Variants in GAD2 observed in about 807,000 individuals in gnomAD.
GAD2 encodes 65 kDa glutamic acid decarboxylase.
A neutral mutation model predicts 80.1 loss-of-function variants in GAD2; 22 were observed. The observed-to-expected ratio is 0.27, with a 90% CI of 0.20 to 0.39. The LOEUF (loss-of-function observed/expected upper bound fraction) is 0.39, where lower values mean the gene tolerates loss of function less well. Ranked by LOEUF, GAD2 falls within the 10% of genes least tolerant of loss-of-function variation. The pLI is 1.00. For missense variants in GAD2, 624 were observed against 738.4 expected, an observed-to-expected ratio of 0.85 and a Z score of 1.80; for synonymous variants, 274 against 256.9, an observed-to-expected ratio of 1.07 and a Z score of -0.64.
At chr10:26,275,410 G>A (rs528344084) in intron 11 of GAD2, among the ~76,000 whole-genome samples, 1 of 152,310 alleles carries the variant, frequency 6.6e-6, no homozygotes, top group South Asian at 2.1e-4. Context: ...CTGTACCAAA[G>A]ACTATTATTT....
chr10:26,245,479 C>T (rs925927435), intron 7 of GAD2, among the ~76,000 whole-genome samples: 28 of 151,416 alleles, frequency 1.8e-4, no homozygotes, highest in African/African-American at 6.8e-4. Context: ...CTCTTGTCTC[C>T]CAAGTTGGAG....
chr10:26,281,965 CAG>C (rs756903179), intron 12 of GAD2, among the ~76,000 whole-genome samples: 2 of 151,964 alleles, frequency 1.3e-5, no homozygotes, highest in African/African-American at 2.4e-5. Context: ...CTTTTTGAGA[CAG>C]AGTCTCATTC....
intron 8 of GAD2, among the ~76,000 whole-genome samples, chr10:26,259,266 G>A (rs1223788584): frequency 1.3e-5 from 2 of 152,120 alleles, no homozygotes; most frequent in African/African-American, 2.4e-5. Context: ...TTAATTTTTT[G>A]AGGAACCATC....
chr10:26,230,745 T>C (rs1446879181), intron 7 of GAD2, among the ~76,000 whole-genome samples: 1 of 149,824 alleles, frequency 6.7e-6, no homozygotes, highest in Non-Finnish European at 1.5e-5. Flanking sequence ...GCCTGAACCA[T>C]TTAACATTCA....
chr10:26,229,987 G>T (rs964244538), intron 7 of GAD2, among the ~76,000 whole-genome samples: 11 of 151,916 alleles, frequency 7.2e-5, no homozygotes, highest in Admixed American at 6.6e-5. Context: ...GAGCAGCCTG[G>T]GCAATATAGT....
At chr10:26,229,281 A>G (rs1844568567) in intron 6 of GAD2, among the ~76,000 whole-genome samples, 1 of 149,626 alleles carries the variant, frequency 6.7e-6, no homozygotes, top group Admixed American at 6.6e-5. Flanking sequence ...AATGAGTTGA[A>G]ATGAAAAAAA....
chr10:26,276,941 G>GAT lies in GAD2; in HGVS notation c.1157+3245_1157+3246dup, dbSNP rs373220885. On this transcript the variant is annotated intron_variant, in intron 11 of 15. Transcript: ENST00000376261. ...ACTGCATGGGTGCAAAGACGAGTAT[G>GAT]ATATAAAGCCTATCTTCAAGGAGTT... Among the ~76,000 whole-genome samples the GAT allele has an allele frequency of 2.6e-5, 4 of 152,348 alleles. No individual in the cohort carries two copies. The East Asian group carries it at 7.7e-4, about 29-fold the overall frequency.
At chr10:26,220,895 AG>A (rs1297994114) in intron 4 of GAD2, among the ~76,000 whole-genome samples, 3 of 152,246 alleles carry the variant, frequency 2.0e-5, no homozygotes, top group Non-Finnish European at 2.9e-5. Context: ...TGCCAGGAAA[AG>A]ATGGGCTAAT....
chr10:26,244,955 C>G (rs1844786507), intron 7 of GAD2, among the ~76,000 whole-genome samples: 1 of 151,944 alleles, frequency 6.6e-6, no homozygotes, highest in Non-Finnish European at 1.5e-5. Flanking sequence ...AGTTTGAGAC[C>G]AGCCTGGCCA....
chr10:26,223,032 C>T (rs958823750), intron 4 of GAD2, among the ~76,000 whole-genome samples: 1 of 152,208 alleles, frequency 6.6e-6, no homozygotes, highest in African/African-American at 2.4e-5. Context: ...TATTTATAAT[C>T]ACATTTTAAA....
intron 8 of GAD2, among the ~76,000 whole-genome samples, chr10:26,264,830 C>T (rs980612988): frequency 6.6e-6 from 1 of 152,210 alleles, no homozygotes; most frequent in African/African-American, 2.4e-5. Flanking sequence ...ATACTTTCTT[C>T]TTTGCACTCA....
chr10:26,276,598 G>A (rs1258571316), intron 11 of GAD2, among the ~76,000 whole-genome samples: 1 of 151,916 alleles, frequency 6.6e-6, no homozygotes, highest in African/African-American at 2.4e-5. Context: ...ATTTTGGCCA[G>A]GCTGGTCTTG....
Position 26,303,729 on chromosome 10 carries a change from C to G in GAD2, c.*2768C>G, listed in dbSNP as rs1225722028. 6.6e-6 allele frequency: 1 copy of G among 152,126 alleles called. No homozygotes were observed. The highest frequency in any genetic ancestry group is 2.4e-5 in the African/African-American group (1 of 41,420). The allele number at this position is 152,126 out of a possible 1,614,324, so 9.4% of individuals were successfully genotyped here. A position where few individuals can be genotyped will look rare whatever the true frequency, so the allele number is the denominator to read the frequency against. ...ATCTGAGACCTATACATGGTATGGA[C>G]TTCATATACTGCCACAGGATGTGAG... is the stretch of plus-strand genomic sequence containing the variant. On this transcript the variant is annotated 3_prime_UTR_variant, in exon 16 of 16. Coordinates refer to ENST00000376261, the MANE Select transcript of GAD2 (RefSeq NM_001134366.2).
chr10:26,263,362 C>A (rs747115859), intron 8 of GAD2, among the ~76,000 whole-genome samples: 25 of 152,136 alleles, frequency 1.6e-4, no homozygotes, highest in Non-Finnish European at 2.8e-4. Context: ...TGGTAAAATT[C>A]TTTGCAAAGG....
At chr10:26,292,399 C>G in intron 13 of GAD2, 66 bp from the exon 14 acceptor site, 1 of 1,172,100 alleles carries the variant, frequency 8.5e-7, no homozygotes, top group Non-Finnish European at 1.3e-6. Context: ...GACGGTCAGT[C>G]TCCAGGGAAA....
At chr10:26,232,223 T>C (rs1043068056) in intron 7 of GAD2, among the ~76,000 whole-genome samples, 65 of 152,278 alleles carry the variant, frequency 4.3e-4, no homozygotes, top group African/African-American at 1.5e-3. Flanking sequence ...CCTCAAAAAG[T>C]CCAGATGATC....
At chr10:26,224,285 A>G (rs1321415925) in intron 5 of GAD2, among the ~76,000 whole-genome samples, 1 of 152,164 alleles carries the variant, frequency 6.6e-6, no homozygotes, top group Non-Finnish European at 1.5e-5. Context: ...ACTCTGCAAT[A>G]TTTTTTATTT....
At chr10:26,292,216 C>T (rs1834223595) in intron 13 of GAD2, among the ~76,000 whole-genome samples, 1 of 152,050 alleles carries the variant, frequency 6.6e-6, no homozygotes, top group South Asian at 2.1e-4. Context: ...AACTAATTGC[C>T]TGGGGAATGG....
At chr10:26,260,550 C>T (rs186394393) in intron 8 of GAD2, among the ~76,000 whole-genome samples, 79 of 152,300 alleles carry the variant, frequency 5.2e-4, no homozygotes, top group African/African-American at 1.9e-3. Flanking sequence ...ATCACTTGAA[C>T]CCCGGAGGCG....
Sources: allele counts gnomAD v4.1 joint callset (sites outside exome capture counted in the v4.1 genomes callset), GRCh38; gene constraint gnomAD v4.1.1; transcripts MANE v1.5; gene names NCBI Gene and HGNC (gene_info 2026-07-23, HGNC 2026-07-21).